GTF3C1: variants seen among roughly 807,000 people sequenced by gnomAD.
GTF3C1 encodes general transcription factor IIIC subunit 1.
GTF3C1 carries 57 observed loss-of-function variants against 226.7 expected under a neutral mutation model. That is an observed-to-expected ratio of 0.25 (90% confidence interval 0.20 to 0.31). The LOEUF is 0.31. Ranked by LOEUF, GTF3C1 falls within the 10% of genes least tolerant of loss-of-function variation. The pLI is 1.00. For synonymous variants in GTF3C1, 1,090 were observed against 1,084.8 expected (o/e 1.00, Z -0.09); for missense variants, 2,217 against 2,776.1 (o/e 0.80, Z 4.53).
At position 27,497,723 on chromosome 16, in the gene GTF3C1, G is replaced by A; in HGVS notation, c.2264C>T (p.Ala755Val). 1 of 1,613,682 alleles carries A rather than the reference G, an allele frequency of 6.2e-7. No homozygotes were observed. ...CCGTCCACTTTCTGATCTAGAGGAAGCACTCAGCTGAGAGTCCCCTGATCC... is the reference window on the plus strand; with the variant it reads ...CCGTCCACTTTCTGATCTAGAGGAAACACTCAGCTGAGAGTCCCCTGATCC... The part of the protein sequence containing the change: ...PSGSGDSQLS[A>V]SSRSESGRMK... The change falls in exon 14 of 37, where the codon GCT becomes GTT. Residue 755 changes from alanine (A) to valine (V), a missense_variant. Ala to Val is a moderately conservative substitution (Grantham distance 64). Around this residue, in one of 12 missense-constraint regions of GTF3C1, gnomAD observed 100 missense variants for 139.9 expected, o/e 0.71. Transcript: ENST00000356183.
intron 6 of GTF3C1, among the ~76,000 whole-genome samples, chr16:27,512,882 G>A (rs148726124): frequency 7.9e-5 from 12 of 152,238 alleles, no homozygotes; most frequent in African/African-American, 1.7e-4. Context: ...TGTAAGTGAC[G>A]GGAAAAATGA....
At chr16:27,509,712 C>T (rs2141407929) in intron 7 of GTF3C1, among the ~76,000 whole-genome samples, 1 of 142,784 alleles carries the variant, frequency 7.0e-6, no homozygotes, top group African/African-American at 2.6e-5. Flanking sequence ...GAGCCGAGAT[C>T]ACGCCACTGC....
rs117943435 is a variant in GTF3C1 at position 27,538,597 on chromosome 16, A to G, written c.432-241T>C. Among the ~76,000 whole-genome samples the G allele has an allele frequency of 9.3e-3, 1,411 of 152,324 alleles. 14 individuals are homozygous for G. The highest frequency in any genetic ancestry group is 0.016 in the South Asian group (79 of 4,828). ...CAGAGCCAATCTTATTTCCTTGCTG[A>G]TAGCCCTTCAGGGCTCGCCAAGGCG... On this transcript the variant is annotated intron_variant, in intron 2 of 36. Coordinates refer to ENST00000356183, the MANE Select transcript of GTF3C1 (RefSeq NM_001520.4).
chr16:27,491,364 G>A (rs1419408455), intron 19 of GTF3C1, among the ~76,000 whole-genome samples: 1 of 152,172 alleles, frequency 6.6e-6, no homozygotes, highest in Non-Finnish European at 1.5e-5. Flanking sequence ...AGCACTGCAG[G>A]GGAGGCTCTC....
chr16:27,468,290 A>C (rs1433629942), intron 32 of GTF3C1, among the ~76,000 whole-genome samples: 2 of 152,214 alleles, frequency 1.3e-5, no homozygotes, highest in South Asian at 2.1e-4. Flanking sequence ...AGACGCTGAG[A>C]ACATCATTGA....
intron 6 of GTF3C1, among the ~76,000 whole-genome samples, chr16:27,517,753 C>T (rs563853419): frequency 3.3e-5 from 5 of 152,284 alleles, no homozygotes; most frequent in Non-Finnish European, 7.4e-5. Context: ...CCATTGTGTT[C>T]GGTGTTTTCG....
chr16:27,486,521 T>C (rs2088141451), intron 23 of GTF3C1, among the ~76,000 whole-genome samples: 1 of 151,068 alleles, frequency 6.6e-6, no homozygotes, highest in African/African-American at 2.4e-5. Flanking sequence ...ACCCACCGAG[T>C]GAGCAGGACC....
Position 27,463,089 on chromosome 16 carries a change from C to T in GTF3C1, c.5924+452G>A. On this transcript the variant is annotated intron_variant, in intron 35 of 36. Coordinates refer to ENST00000356183, the MANE Select transcript of GTF3C1 (RefSeq NM_001520.4). The surrounding 1 kb of genome is among the most constrained non-coding windows in gnomAD (Gnocchi z 4.9). Reference sequence around the variant, plus strand: ...CCTGCCAATCTGGGGTCAGCACACACACTCATGGGAGGCGCCCCCACCAGA... The same window carrying T: ...CCTGCCAATCTGGGGTCAGCACACATACTCATGGGAGGCGCCCCCACCAGA... The T allele has an allele frequency of 5.3e-6, 1 of 189,318 alleles. No individual in the cohort carries two copies. Among genetic ancestry groups the T allele is most frequent in the South Asian group, 1.2e-4 (1 of 8,506 alleles). The allele number at this position is 189,318 out of a possible 1,614,324, so 11.7% of individuals were successfully genotyped here.
chr16:27,502,030 C>T (rs894604729), intron 11 of GTF3C1, among the ~76,000 whole-genome samples: 4 of 151,054 alleles, frequency 2.6e-5, no homozygotes, highest in South Asian at 2.1e-4. Flanking sequence ...AGGAGGCAGA[C>T]GTTGCAGTGA....
At chr16:27,539,374 C>G (rs1244945207) in intron 2 of GTF3C1, among the ~76,000 whole-genome samples, 1 of 152,156 alleles carries the variant, frequency 6.6e-6, no homozygotes, top group Non-Finnish European at 1.5e-5. Flanking sequence ...TGAGGACAGC[C>G]CAAGTGAGAA....
At chr16:27,533,266 C>G (rs1212137678) in intron 5 of GTF3C1, 25 bp downstream of exon 5, 2 of 1,239,118 alleles carry the variant, frequency 1.6e-6, no homozygotes, top group Non-Finnish European at 1.2e-6. Context: ...CACCCAGCCC[C>G]GCCCGTGGGA....
intron 6 of GTF3C1, among the ~76,000 whole-genome samples, chr16:27,525,194 A>AGAAAAGAAAC (rs1018543121): frequency 6.6e-6 from 1 of 152,138 alleles, no homozygotes; most frequent in Non-Finnish European, 1.5e-5. Flanking sequence ...ATAAAAGAAA[A>AGAAAAGAAAC]GAAAAGAAAA....
intron 2 of GTF3C1, among the ~76,000 whole-genome samples, chr16:27,539,169 C>T (rs995247937): frequency 6.6e-6 from 1 of 152,066 alleles, no homozygotes; most frequent in Non-Finnish European, 1.5e-5. Context: ...TGAACCAGCC[C>T]AGTGAGCTGG....
At chr16:27,488,711 C>T (rs778666488) in intron 21 of GTF3C1, 76 bp from the exon 22 acceptor site, 15 of 1,265,850 alleles carry the variant, frequency 1.2e-5, no homozygotes, top group African/African-American at 1.5e-5. Context: ...ACAAATGCAC[C>T]GAGGTCTCTT....
chr16:27,501,448 G>A (rs984904351), intron 11 of GTF3C1, 104 bp from the exon 12 acceptor site: 4 of 1,034,742 alleles, frequency 3.9e-6, no homozygotes, highest in East Asian at 2.4e-5. Flanking sequence ...ATAGAAACAA[G>A]GAAGGATCAA....
At position 27,483,040 on chromosome 16, in the gene GTF3C1, C is replaced by A; in HGVS notation, c.4083+4G>T. Reference sequence around the variant, plus strand: ...ACCAAGCCCTACACTCACACAGGACCTACCTTTGGGTCATCATAGTCACCT... The same window carrying A: ...ACCAAGCCCTACACTCACACAGGACATACCTTTGGGTCATCATAGTCACCT... On this transcript the variant is annotated splice_donor_region_variant and intron_variant, in intron 26 of 36. Transcript: ENST00000356183. 1 of 1,613,802 alleles carries A rather than the reference C, an allele frequency of 6.2e-7. No homozygotes were observed. The highest frequency in any genetic ancestry group is 2.2e-5 in the East Asian group (1 of 44,888).
Position 27,489,226 on chromosome 16 carries a change from G to T in GTF3C1, c.3294-48C>A. The T allele has an allele frequency of 6.3e-7, 1 of 1,598,088 alleles. No homozygotes were observed. The highest frequency in any genetic ancestry group is 1.1e-5 in the South Asian group (1 of 90,000). ...AAAAGAGCCCTTCTTGGTCATCACC[G>T]AAAAAGAGAGCCCATGGCATGGGTT... On this transcript the variant is annotated intron_variant, in intron 20 of 36. Coordinates refer to ENST00000356183, the MANE Select transcript of GTF3C1 (RefSeq NM_001520.4).
rs1220543894 is a variant in GTF3C1 at position 27,492,482 on chromosome 16, C to T, written c.3007G>A (p.Val1003Ile). 1 of 1,613,634 alleles carries T rather than the reference C, an allele frequency of 6.2e-7. No individual in the cohort carries two copies. The highest frequency in any genetic ancestry group is 2.2e-5 in the East Asian group (1 of 44,894). The change falls in exon 19 of 37, where the codon GTT (valine) becomes ATT (isoleucine). Residue 1003 changes from valine to isoleucine, a missense_variant. By Grantham distance (29) the Val-to-Ile change is conservative (BLOSUM62 3). Coordinates refer to ENST00000356183, the MANE Select transcript of GTF3C1 (RefSeq NM_001520.4). This position sits in a 1 kb window ranked among gnomAD's most constrained non-coding sequence, Gnocchi z 5.0. ...FIFLKKNAVI[V>I]DTTICDPHYN... The stretch of plus-strand genomic sequence containing the variant: ...TGTGGGTCGCAGATGGTAGTGTCAA[C>T]AATGACTGCATTCTTCTTCAAGAAG...
At chr16:27,514,239 T>A (rs1373320862) in intron 6 of GTF3C1, among the ~76,000 whole-genome samples, 1 of 152,246 alleles carries the variant, frequency 6.6e-6, no homozygotes, top group African/African-American at 2.4e-5. Flanking sequence ...AAGACTCTGC[T>A]TCTGCTGGCT....
Sources: gnomAD v4.1 joint callset for allele counts (sites outside exome capture counted in the v4.1 genomes callset) on GRCh38, gnomAD v4.1.1 for gene constraint, gnomAD v4.1.1 regional missense constraint, Gnocchi (gnomAD v3.1) non-coding constraint, MANE v1.5 for transcripts, NCBI Gene and HGNC (gene_info 2026-07-23, HGNC 2026-07-21) for gene names.